DHX29: variants seen among roughly 807,000 people sequenced by gnomAD.
DHX29 encodes ATP-dependent RNA helicase DHX29.
A neutral mutation model predicts 167.9 loss-of-function variants in DHX29; 79 were observed. The ratio of observed to expected loss-of-function variants is 0.47; its 90% CI spans 0.39 to 0.57. The LOEUF (loss-of-function observed/expected upper bound fraction) is 0.57. Ranked by LOEUF, DHX29 falls within the 20% of genes least tolerant of loss-of-function variation. DHX29 has a pLI of 0.00. For synonymous variants in DHX29, 530 were observed against 546.0 expected, an observed-to-expected ratio of 0.97 and a Z score of 0.41; for missense variants, 1,347 against 1,593.4, an observed-to-expected ratio of 0.85 and a Z score of 2.63.
At chr5:55,303,463 T>C (rs1465099040) in intron 1 of DHX29, among the ~76,000 whole-genome samples, 3 of 152,128 alleles carry the variant, frequency 2.0e-5, no homozygotes, top group African/African-American at 4.8e-5. Flanking sequence ...TGAGGGTGAA[T>C]TGATGTAGTC....
rs747438570 is a variant in DHX29 at position 55,289,390 on chromosome 5, C to T, written c.946G>A (p.Ala316Thr). The change falls in exon 8 of 27, where the codon GCC becomes ACC. Residue 316 changes from alanine (A) to threonine (T), a missense_variant. Coordinates refer to ENST00000251636, the MANE Select transcript of DHX29 (RefSeq NM_019030.4). ...TTTTGTTGATGTGAAATCTTCATGG[C>T]TGGGTTAAATACTGGATGGTCTTCT... is the stretch of plus-strand genomic sequence containing the variant. The part of the protein sequence containing the change: ...TLEDHPVFNP[A>T]MKISHQQNER... 5.0e-6 allele frequency: 8 copies of T among 1,597,662 alleles called. No individual in the cohort carries two copies. The highest frequency in any genetic ancestry group is 1.7e-4 in the Middle Eastern group (1 of 5,936).
At position 55,283,808 on chromosome 5, in the gene DHX29, C is replaced by A. The variant is rs1302909729; in HGVS notation, c.1360G>T (p.Val454Phe). 1 of 1,582,230 alleles carries A rather than the reference C, an allele frequency of 6.3e-7. No homozygotes were observed. The highest frequency in any genetic ancestry group is 1.4e-5 in the African/African-American group (1 of 73,254). ...ALYRLVKGQS[V>F]HQLLPPTYRD... ...TAAGTGGGAGGAAGTAACTGATGAA[C>A]TGACTAAAGGAAAAACAGAGGTATG... The change falls in exon 11 of 27, where the codon GTT becomes TTT. Residue 454 changes from valine to phenylalanine, a missense_variant. By Grantham distance (50) the Val-to-Phe change is conservative (BLOSUM62 -1). Coordinates refer to ENST00000251636, the MANE Select transcript of DHX29 (RefSeq NM_019030.4).
intron 26 of DHX29, among the ~76,000 whole-genome samples, chr5:55,258,663 G>A (rs1746165560): frequency 6.6e-6 from 1 of 152,068 alleles, no homozygotes; most frequent in Admixed American, 6.6e-5. Flanking sequence ...GCGGATACTC[G>A]CCTCAGCCTC....
intron 1 of DHX29, among the ~76,000 whole-genome samples, 165 bp downstream of exon 1, chr5:55,307,222 A>C (rs976081974): frequency 3.9e-5 from 6 of 152,228 alleles, no homozygotes; most frequent in African/African-American, 1.4e-4. Context: ...AAGAGCTTAG[A>C]CTTTTTTAAT....
At position 55,297,355 on chromosome 5, in the gene DHX29, A is replaced by ATCACTCCAATAATTCTTTGC; in HGVS notation, c.285_304dup (p.Ile102SerfsTer7). 1 of 1,583,414 alleles carries ATCACTCCAATAATTCTTTGC rather than the reference A, an allele frequency of 6.3e-7. No homozygotes were observed. The highest frequency in any genetic ancestry group is 1.3e-5 in the African/African-American group (1 of 74,408). On this transcript the variant is annotated stop_gained and frameshift_variant, in exon 3 of 27. Coordinates refer to ENST00000251636, the MANE Select transcript of DHX29 (RefSeq NM_019030.4). LOFTEE classifies it high-confidence loss of function. ...ATTATTTTGCTTTTTATGCTCATTG[A>ATCACTCCAATAATTCTTTGC]TCACTCCAATAATTCTTTGCTCTAG...
chr5:55,259,829 C>A lies in DHX29; in HGVS notation c.4057+19G>T. On this transcript the variant is annotated intron_variant, in intron 26 of 26. Coordinates refer to ENST00000251636, the MANE Select transcript of DHX29 (RefSeq NM_019030.4). ...ACACATATGTGTATATGGTCTTTCA[C>A]TTATAAGCAAACACTTACTTTCAAG... is the stretch of plus-strand genomic sequence containing the variant. 1 of 1,429,544 alleles carries A rather than the reference C, an allele frequency of 7.0e-7. No homozygotes were observed. The highest frequency in any genetic ancestry group is 9.9e-7 in the Non-Finnish European group (1 of 1,013,120). 88.6% of individuals were successfully genotyped at this position (1,429,544 alleles called of 1,614,324 possible). A position where few individuals can be genotyped will look rare whatever the true frequency, so the allele number is the denominator to read the frequency against.
In DHX29 at chr5:55,270,692, C is replaced by T. The variant is rs1205570007; in HGVS notation, c.2879G>A (p.Ser960Asn). Residue 960 changes from serine to asparagine, a missense_variant, in exon 19 of 27, where the codon AGT (serine) becomes AAT (asparagine). Coordinates refer to ENST00000251636, the MANE Select transcript of DHX29 (RefSeq NM_019030.4). ...RTKENKYHES[S>N]QMSSLVETFV... Reference sequence around the variant, plus strand: ...CGTCTCCACCAAAGAACTCATCTGACTGCTTTCATGGTACCTAAAGAAATG... The same window carrying T: ...CGTCTCCACCAAAGAACTCATCTGATTGCTTTCATGGTACCTAAAGAAATG... The T allele has an allele frequency of 6.2e-7, 1 of 1,612,422 alleles. No homozygotes were observed. Among genetic ancestry groups the T allele is most frequent in the African/African-American group, 1.3e-5 (1 of 75,004 alleles).
rs542511745 is a variant in DHX29 at position 55,294,635 on chromosome 5, G to C, written c.652-490C>G. Among the ~76,000 whole-genome samples, 8 of 152,300 alleles carry C rather than the reference G, an allele frequency of 5.3e-5. No homozygotes were observed. The South Asian group carries it at 6.2e-4, about 12-fold the overall frequency. On this transcript the variant is annotated intron_variant, in intron 5 of 26. Transcript: ENST00000251636. ...GCTTGCAGTGAGCCGAGTGAGTGCA[G>C]TGCCATTCACTCCAGCCTGGGCAAC...
chr5:55,294,535 C>T (rs983567850), intron 5 of DHX29, among the ~76,000 whole-genome samples: 18 of 152,002 alleles, frequency 1.2e-4, no homozygotes, highest in African/African-American at 4.1e-4. Flanking sequence ...ATTAGCCATG[C>T]GTGGTGGAGG....
intron 25 of DHX29, 122 bp from the exon 26 acceptor site, chr5:55,260,066 A>C: frequency 1.9e-6 from 1 of 513,640 alleles, no homozygotes; most frequent in Non-Finnish European, 3.6e-6. Context: ...AATGGAAAAC[A>C]CAATGGGAAA....
chr5:55,285,185 A>C, intron 10 of DHX29, 108 bp downstream of exon 10: 1 of 1,474,398 alleles, frequency 6.8e-7, no homozygotes. Flanking sequence ...CCAAATTAGG[A>C]ATAATGAGAA....
rs987563956 is a variant in DHX29 at position 55,274,747 on chromosome 5, A to T, written c.2573-16T>A. The stretch of plus-strand genomic sequence containing the variant: ...GGACTTTTATCTGAAATTTTTAAAA[A>T]GATACAATATTCAAAATAAGAAGAT... On this transcript the variant is annotated splice_polypyrimidine_tract_variant and intron_variant, in intron 15 of 26. Coordinates refer to ENST00000251636, the MANE Select transcript of DHX29 (RefSeq NM_019030.4). 8 of 1,574,014 alleles carry T rather than the reference A, an allele frequency of 5.1e-6. No individual in the cohort carries two copies. Among genetic ancestry groups the T allele is most frequent in the Non-Finnish European group, 6.9e-6 (8 of 1,163,956 alleles).
intron 21 of DHX29, among the ~76,000 whole-genome samples, chr5:55,268,632 A>C (rs1210180579): frequency 6.6e-6 from 1 of 151,848 alleles, no homozygotes; most frequent in Non-Finnish European, 1.5e-5. Flanking sequence ...GGGTCTCACT[A>C]TGTTGCCCAG....
chr5:55,269,719 G>T, intron 20 of DHX29, 82 bp from the exon 21 acceptor site: 1 of 1,174,270 alleles, frequency 8.5e-7, no homozygotes, highest in Non-Finnish European at 1.2e-6. Context: ...AACTAAATTT[G>T]ACTTCAGTAA....
In DHX29 at chr5:55,283,424, C is replaced by T. The variant is rs781743118; in HGVS notation, c.1744G>A (p.Val582Ile). Reference protein sequence around the residue: ...LPVFKHRDSIVETLKRHRVVV... With the variant: ...LPVFKHRDSIIETLKRHRVVV... ...ACCCGATGCCTTTTAAGAGTTTCAACAATTGAGTCCCGATGTTTAAATACA... is the reference window on the plus strand; with the variant it reads ...ACCCGATGCCTTTTAAGAGTTTCAATAATTGAGTCCCGATGTTTAAATACA... Residue 582 changes from valine (V) to isoleucine (I), a missense_variant, in exon 11 of 27, where the codon GTT (valine) becomes ATT (isoleucine). Transcript: ENST00000251636. 4 of 1,614,174 alleles carry T rather than the reference C, an allele frequency of 2.5e-6. No homozygotes were observed. Among genetic ancestry groups the T allele is most frequent in the Non-Finnish European group, 3.4e-6 (4 of 1,180,026 alleles).
chr5:55,273,612 G>T (rs1055403425), intron 16 of DHX29, among the ~76,000 whole-genome samples: 1 of 152,110 alleles, frequency 6.6e-6, no homozygotes, highest in South Asian at 2.1e-4. Context: ...TTCTAATGTT[G>T]AAGTGGTTTA....
In DHX29 at chr5:55,274,882, T is replaced by C; in HGVS notation, c.2556A>G (p.Glu852=). 6.2e-7 allele frequency: 1 copy of C among 1,613,364 alleles called. No individual in the cohort carries two copies. The highest frequency in any genetic ancestry group is 8.5e-7 in the Non-Finnish European group (1 of 1,179,772). The part of the protein sequence containing the change: ...PHKINLDLIL[E]LLAYLDKSPQ... The stretch of plus-strand genomic sequence containing the variant: ...GAAATATACCTAAGTATGCAAGAAG[T>C]TCCAAAATGAGATCCAGGTTGATTT... Residue 852 remains glutamate (E), a synonymous_variant, in exon 15 of 27, where the codon GAA becomes GAG. Transcript: ENST00000251636.
At chr5:55,302,064 A>G (rs1328724080) in intron 1 of DHX29, among the ~76,000 whole-genome samples, 2 of 152,230 alleles carry the variant, frequency 1.3e-5, no homozygotes, top group Non-Finnish European at 2.9e-5. Context: ...GCTACATGGC[A>G]TATGTAAAAA....
At chr5:55,265,576 A>C (rs1361410459) in intron 23 of DHX29, among the ~76,000 whole-genome samples, 2 of 152,104 alleles carry the variant, frequency 1.3e-5, no homozygotes, top group African/African-American at 4.8e-5. Flanking sequence ...AAAAACTGAG[A>C]AAGTGGTAAC....
Sources: gnomAD v4.1 joint callset for allele counts (sites outside exome capture counted in the v4.1 genomes callset) on GRCh38, gnomAD v4.1.1 for gene constraint, MANE v1.5 for transcripts, NCBI Gene and HGNC (gene_info 2026-07-23, HGNC 2026-07-21) for gene names.